CDH15: variants seen among roughly 807,000 people sequenced by gnomAD.
The protein encoded by CDH15 is cadherin 15.
CDH15 carries 73 observed loss-of-function variants against 69.4 expected under a neutral mutation model. The observed-to-expected ratio is 1.05, with a 90% CI of 0.87 to 1.28. CDH15 has a LOEUF of 1.28. CDH15 is among the 50% of genes most tolerant of loss of function. The pLI is 0.00. For missense variants in CDH15, 1,343 were observed against 1,133.6 expected (o/e 1.18, Z -2.65); for synonymous variants, 624 against 507.7 (o/e 1.23, Z -3.08).
In CDH15 at chr16:89,188,143, G is replaced by A. The variant is rs1358434993; in HGVS notation, c.836G>A (p.Gly279Glu). 1 of 1,613,348 alleles carries A rather than the reference G, an allele frequency of 6.2e-7. No homozygotes were observed. The highest frequency in any genetic ancestry group is 8.5e-7 in the Non-Finnish European group (1 of 1,179,830). The change falls in exon 7 of 14, where the codon GGA becomes GAA. Residue 279 changes from glycine (G) to glutamate (E), a missense_variant. Gly to Glu is a moderately conservative substitution (Grantham distance 98). Transcript: ENST00000289746. ...GAGGCCGTCAGCGGAGTGGATGTGG[G>A]ACGCCTGGAAGTGGAGGACAGGGAC... Reference protein sequence around the residue: ...AIEAVSGVDVGRLEVEDRDLP... With the variant: ...AIEAVSGVDVERLEVEDRDLP...
In CDH15 at chr16:89,193,885, C is replaced by G. The variant is rs748541318; in HGVS notation, c.2123C>G (p.Pro708Arg). 1 of 1,612,272 alleles carries G rather than the reference C, an allele frequency of 6.2e-7. No homozygotes were observed. The highest frequency in any genetic ancestry group is 1.7e-5 in the Admixed American group (1 of 60,006). Residue 708 changes from proline (P) to arginine (R), a missense_variant, in exon 13 of 14, where the codon CCC becomes CGC. Physicochemically the swap from Pro to Arg is moderately radical, Grantham distance 103. Transcript: ENST00000289746. ...CCACCCCGAGTGCTGCCCACCAGCCCCCTGGACATCGCCGACTTCATCAAT... is the reference window on the plus strand; with the variant it reads ...CCACCCCGAGTGCTGCCCACCAGCCGCCTGGACATCGCCGACTTCATCAAT... ...PQPPRVLPTS[P>R]LDIADFINDG... is the part of the protein sequence containing the mutation.
chr16:89,177,678 A>G (rs4592657), intron 1 of CDH15, among the ~76,000 whole-genome samples: 20,271 of 151,992 alleles, frequency 0.13, 2,199 homozygotes, highest in East Asian at 0.62. Flanking sequence ...TGCCCTCACC[A>G]AGTTCAGGCA....
intron 1 of CDH15, among the ~76,000 whole-genome samples, chr16:89,178,286 G>A (rs1198490485): frequency 1.3e-5 from 2 of 152,146 alleles, no homozygotes; most frequent in African/African-American, 4.8e-5. Flanking sequence ...GGGGTGCACA[G>A]CATCTCCCTC....
chr16:89,179,274 C>T (rs1294297401), intron 1 of CDH15, 142 bp from the exon 2 acceptor site: 9 of 920,978 alleles, frequency 9.8e-6, no homozygotes, highest in Admixed American at 8.6e-5. Flanking sequence ...GTGGAAGCCG[C>T]CTTGCGCCAA....
intron 3 of CDH15, 148 bp from the exon 4 acceptor site, chr16:89,183,399 TG>T (rs772361671): frequency 2.4e-5 from 20 of 846,754 alleles, no homozygotes; most frequent in Non-Finnish European, 3.5e-5. Context: ...CTGTGACAGA[TG>T]CCCCACCCTG....
chr16:89,179,816 C>T (rs999834901), intron 2 of CDH15, among the ~76,000 whole-genome samples: 4 of 152,216 alleles, frequency 2.6e-5, no homozygotes, highest in African/African-American at 7.2e-5. Context: ...ACATGCGCCT[C>T]GGGTGGACAT....
At chr16:89,188,061 C>T (rs757936804) in intron 6 of CDH15, 39 bp from the exon 7 acceptor site, 6 of 1,570,212 alleles carry the variant, frequency 3.8e-6, no homozygotes, top group South Asian at 1.2e-5. Context: ...GCTGTCCCCC[C>T]AGCCCTGCTG....
rs375755295 is a variant in CDH15, at chr16:89,190,207, G to A, written c.979-36G>A. On this transcript the variant is annotated intron_variant, in intron 7 of 13. Coordinates refer to ENST00000289746, the MANE Select transcript of CDH15 (RefSeq NM_004933.3). ...CCTGCCCTCGGGTGCCCACACTTGC[G>A]TTGGGCGGATGACGGGCTGTGCTTC... The A allele has an allele frequency of 7.7e-4, 1,231 of 1,605,428 alleles. 16 individuals are homozygous for A. The South Asian group carries it at 0.012, about 16-fold the overall frequency.
intron 3 of CDH15, among the ~76,000 whole-genome samples, chr16:89,180,959 G>C (rs1038759114): frequency 1.8e-5 from 2 of 112,460 alleles, no homozygotes; most frequent in East Asian, 7.6e-4. Context: ...TCCTGAGTGA[G>C]CCACCGCGCC....
intron 1 of CDH15, among the ~76,000 whole-genome samples, chr16:89,178,375 C>T (rs1375756381): frequency 6.6e-6 from 1 of 152,182 alleles, no homozygotes; most frequent in East Asian, 1.9e-4. Context: ...CGTCCCAGCC[C>T]CTGATGTGGG....
chr16:89,195,242 C>A lies in CDH15; in HGVS notation c.*87C>A. ...GCAGCCTGAGGTCACCGGGCCCGAC[C>A]CCCCTGGGCCTGGGGCAGCCTCCTT... On this transcript the variant is annotated 3_prime_UTR_variant, in exon 14 of 14. Coordinates refer to ENST00000289746, the MANE Select transcript of CDH15 (RefSeq NM_004933.3). 4 of 1,362,676 alleles carry A rather than the reference C, an allele frequency of 2.9e-6. No individual in the cohort carries two copies. The highest frequency in any genetic ancestry group is 3.9e-6 in the Non-Finnish European group (4 of 1,029,342). The allele number at this position is 1,362,676 out of a possible 1,614,324, so 84.4% of individuals were successfully genotyped here.
chr16:89,173,131 G>A (rs1051508552), intron 1 of CDH15, among the ~76,000 whole-genome samples: 14 of 152,286 alleles, frequency 9.2e-5, no homozygotes, highest in African/African-American at 2.9e-4. Flanking sequence ...GGAGACAGTG[G>A]TGGGGGGAGA....
Position 89,195,046 on chromosome 16 carries a change from T to G in CDH15, c.2336T>G (p.Met779Arg). Residue 779 changes from methionine (M) to arginine (R), a missense_variant, in exon 14 of 14, where the codon ATG (methionine) becomes AGG (arginine). Transcript: ENST00000289746. ...WGPRFARLAD[M>R]YGHPCGLEYG... is the part of the protein sequence containing the mutation. ...CCCCGCTTCGCCCGGCTGGCAGACATGTATGGGCACCCGTGCGGGTTGGAG... is the reference window on the plus strand; with the variant it reads ...CCCCGCTTCGCCCGGCTGGCAGACAGGTATGGGCACCCGTGCGGGTTGGAG... 1 of 1,612,452 alleles carries G rather than the reference T, an allele frequency of 6.2e-7. No individual in the cohort carries two copies. The highest frequency in any genetic ancestry group is 8.5e-7 in the Non-Finnish European group (1 of 1,179,830).
intron 5 of CDH15, among the ~76,000 whole-genome samples, chr16:89,186,761 C>T (rs1267922918): frequency 2.7e-5 from 4 of 146,314 alleles, no homozygotes; most frequent in Admixed American, 6.8e-5. Context: ...GCTCTGTAAA[C>T]GCTTACCCAG....
At position 89,179,493 on chromosome 16, in the gene CDH15, G is replaced by A. The variant is rs762198594; in HGVS notation, c.120G>A (p.Leu40=). The A allele has an allele frequency of 6.2e-7, 1 of 1,613,356 alleles. No homozygotes were observed. ...TLYPWRRAPA[L]SRVRRAWVIP... ...ACCCCTGGCGCCGGGCGCCTGCCCT[G>A]AGCCGCGTGCGGAGGGCCTGGGTCA... Residue 40 remains leucine, a synonymous_variant, in exon 2 of 14, where the codon CTG becomes CTA. Coordinates refer to ENST00000289746, the MANE Select transcript of CDH15 (RefSeq NM_004933.3).
chr16:89,191,582 C>T lies in CDH15; in HGVS notation c.1376-73C>T, dbSNP rs1267551572. The T allele has an allele frequency of 7.6e-6, 12 of 1,575,078 alleles. No homozygotes were observed. In the East Asian group the frequency reaches 1.6e-4, roughly 21 times the overall value. On this transcript the variant is annotated intron_variant, in intron 9 of 13. Coordinates refer to ENST00000289746, the MANE Select transcript of CDH15 (RefSeq NM_004933.3). ...TGTCGCCCGGGGGCTCAGAGCTGCG[C>T]ACCCGCTCTGAGCCGACTGGTGGGG... is the stretch of plus-strand genomic sequence containing the variant.
intron 7 of CDH15, among the ~76,000 whole-genome samples, chr16:89,189,803 T>A (rs1915596804): frequency 6.6e-6 from 1 of 152,182 alleles, no homozygotes; most frequent in Non-Finnish European, 1.5e-5. Context: ...GGTGCTGGGG[T>A]CTGGCTGGGC....
chr16:89,189,094 C>T (rs1035953170), intron 7 of CDH15, among the ~76,000 whole-genome samples: 2 of 146,620 alleles, frequency 1.4e-5, no homozygotes, highest in Non-Finnish European at 3.0e-5. Flanking sequence ...CACACAGATG[C>T]CCACACACAG....
intron 7 of CDH15, 79 bp downstream of exon 7, chr16:89,188,364 G>GCA: frequency 1.9e-6 from 2 of 1,054,250 alleles, no homozygotes; most frequent in South Asian, 2.7e-5. Context: ...ACAGATGCCG[G>GCA]CACACACAGA....
Sources: gnomAD v4.1 joint callset for allele counts (sites outside exome capture counted in the v4.1 genomes callset) on GRCh38, gnomAD v4.1.1 for gene constraint, MANE v1.5 for transcripts, NCBI Gene and HGNC (gene_info 2026-07-23, HGNC 2026-07-21) for gene names.